Variants in TAOK1 observed in about 807,000 individuals in gnomAD.
TAOK1 encodes TAO kinase 1, also known as serine/threonine-protein kinase TAO1.
A neutral mutation model predicts 138.3 loss-of-function variants in TAOK1; 21 were observed. The observed-to-expected ratio is 0.15, with a 90% confidence interval of 0.11 to 0.22. TAOK1 has a LOEUF of 0.22. Among genes scored for constraint, TAOK1 ranks in the 10% least tolerant of loss-of-function variants. TAOK1 has a pLI of 1.00. For missense variants in TAOK1, 651 were observed against 1,227.7 expected, an observed-to-expected ratio of 0.53 and a Z score of 7.02; for synonymous variants, 361 against 398.4, an observed-to-expected ratio of 0.91 and a Z score of 1.12.
At chr17:29,412,308 G>A (rs557179106) in intron 1 of TAOK1, among the ~76,000 whole-genome samples, 1 of 152,308 alleles carries the variant, frequency 6.6e-6, no homozygotes, top group African/African-American at 2.4e-5. Context: ...CTGCCAAAGT[G>A]GTGGGATTAC....
intron 1 of TAOK1, among the ~76,000 whole-genome samples, chr17:29,440,930 A>G (rs75769390): frequency 0.037 from 5,638 of 152,272 alleles, 367 homozygotes; most frequent in African/African-American, 0.13. Flanking sequence ...CGTTTTCCAT[A>G]TTTATTGAGA....
chr17:29,535,870 A>G (rs890780856), intron 19 of TAOK1, among the ~76,000 whole-genome samples: 2 of 152,026 alleles, frequency 1.3e-5, no homozygotes, highest in African/African-American at 4.8e-5. Context: ...AACAAAAAAA[A>G]TCTTTAAAAA....
At chr17:29,407,814 C>G (rs1477672005) in intron 1 of TAOK1, among the ~76,000 whole-genome samples, 8 of 152,140 alleles carry the variant, frequency 5.3e-5, no homozygotes, top group African/African-American at 1.9e-4. Context: ...TCTTCTTAAT[C>G]TTTTGCAAAA....
In TAOK1 at chr17:29,542,624, C is replaced by T; in HGVS notation, c.2608C>T (p.Arg870Cys). 3 of 1,614,186 alleles carry T rather than the reference C, an allele frequency of 1.9e-6. No individual in the cohort carries two copies. The highest frequency in any genetic ancestry group is 2.5e-6 in the Non-Finnish European group (3 of 1,180,032). Reference sequence around the variant, plus strand: ...AGAACGAATACGAAGCCTGTTGGAACGTCAAGCCAGAGAGATTGAAGCTTT... The same window carrying T: ...AGAACGAATACGAAGCCTGTTGGAATGTCAAGCCAGAGAGATTGAAGCTTT... ...RTERIRSLLE[R>C]QAREIEAFDS... The change falls in exon 20 of 20, where the codon CGT (arginine) becomes TGT (cysteine). Residue 870 changes from arginine (R) to cysteine (C), a missense_variant. Coordinates refer to ENST00000261716, the MANE Select transcript of TAOK1 (RefSeq NM_020791.4).
At chr17:29,483,536 T>G (rs774776282) in intron 8 of TAOK1, among the ~76,000 whole-genome samples, 7 of 152,214 alleles carry the variant, frequency 4.6e-5, no homozygotes, top group South Asian at 2.1e-4. Context: ...TCTTGCTTAT[T>G]ATTACACAGT....
intron 16 of TAOK1, among the ~76,000 whole-genome samples, chr17:29,518,760 T>TTATTTATC (rs1567742305): frequency 5.9e-5 from 8 of 134,546 alleles, no homozygotes; most frequent in African/African-American, 1.6e-4. Flanking sequence ...CTTTATCTAT[T>TTATTTATC]TATTTATTTA....
chr17:29,449,451 G>A (rs2030178023), intron 1 of TAOK1, among the ~76,000 whole-genome samples: 1 of 152,168 alleles, frequency 6.6e-6, no homozygotes, highest in Non-Finnish European at 1.5e-5. Context: ...ACATATAAAT[G>A]TATTTTATAT....
At chr17:29,420,585 GT>G (rs71360703) in intron 1 of TAOK1, among the ~76,000 whole-genome samples, 35 of 123,496 alleles carry the variant, frequency 2.8e-4, no homozygotes, top group Middle Eastern at 4.2e-3. Context: ...TACTTAATCT[GT>G]TTTTTTTTTT....
intron 2 of TAOK1, among the ~76,000 whole-genome samples, chr17:29,466,833 C>G (rs979021355): frequency 1.3e-5 from 2 of 152,098 alleles, no homozygotes; most frequent in Non-Finnish European, 2.9e-5. Flanking sequence ...TTAGCATAGA[C>G]TTTTATACAC....
At chr17:29,391,134 A>T in intron 1 of TAOK1, 110 bp downstream of exon 1, 1 of 151,944 alleles carries the variant, frequency 6.6e-6, no homozygotes, top group Non-Finnish European at 1.5e-5. Flanking sequence ...TGGGGGAGGG[A>T]GAAAAGGAGG....
chr17:29,434,380 GA>G (rs767726854), intron 1 of TAOK1, among the ~76,000 whole-genome samples: 24 of 152,176 alleles, frequency 1.6e-4, no homozygotes, highest in Non-Finnish European at 3.1e-4. Flanking sequence ...GGATGCATTT[GA>G]AAGGGGTACA....
chr17:29,421,406 A>T (rs1379007894), intron 1 of TAOK1, among the ~76,000 whole-genome samples: 1 of 152,108 alleles, frequency 6.6e-6, no homozygotes, highest in East Asian at 1.9e-4. Flanking sequence ...TTTCTTGTTG[A>T]TATCTGGTTT....
At chr17:29,413,101 C>A (rs377621627) in intron 1 of TAOK1, among the ~76,000 whole-genome samples, 5 of 152,208 alleles carry the variant, frequency 3.3e-5, no homozygotes, top group East Asian at 3.9e-4. Context: ...AATTAAGACA[C>A]AAGAGGAATG....
chr17:29,467,897 C>G (rs907417540), intron 3 of TAOK1, among the ~76,000 whole-genome samples: 3 of 151,292 alleles, frequency 2.0e-5, no homozygotes, highest in Non-Finnish European at 4.4e-5. Context: ...AATCTTGGCT[C>G]ACTGCAACCT....
intron 1 of TAOK1, among the ~76,000 whole-genome samples, chr17:29,395,824 A>ATTTTTTTT (rs1187461666): frequency 1.1e-4 from 8 of 72,100 alleles, no homozygotes; most frequent in African/African-American, 1.9e-4. Context: ...CGTCTGGCTA[A>ATTTTTTTT]TTTTTTTTTT....
intron 16 of TAOK1, 28 bp downstream of exon 16, chr17:29,517,684 A>T (rs1044088234): frequency 2.6e-6 from 4 of 1,567,554 alleles, no homozygotes; most frequent in Non-Finnish European, 2.6e-6. Context: ...GAAATTTTAA[A>T]TCCTTTATCA....
chr17:29,537,654 G>C (rs2032245785), intron 19 of TAOK1, among the ~76,000 whole-genome samples: 1 of 151,858 alleles, frequency 6.6e-6, no homozygotes, highest in Non-Finnish European at 1.5e-5. Context: ...ACTGCGCCTG[G>C]AGTTGTATAT....
intron 17 of TAOK1, among the ~76,000 whole-genome samples, chr17:29,525,686 C>T (rs568818728): frequency 2.6e-5 from 4 of 152,336 alleles, no homozygotes; most frequent in Admixed American, 2.0e-4. Context: ...TGAGCCACCG[C>T]GCCCAGCCCA....
intron 10 of TAOK1, among the ~76,000 whole-genome samples, chr17:29,494,782 C>T (rs552364480): frequency 3.7e-4 from 54 of 145,640 alleles, no homozygotes; most frequent in Non-Finnish European, 4.9e-4. Flanking sequence ...GCCGCAATCG[C>T]GCCACTGCAC....
Sources: gnomAD v4.1 joint callset for allele counts (sites outside exome capture counted in the v4.1 genomes callset) on GRCh38, gnomAD v4.1.1 for gene constraint, MANE v1.5 for transcripts, NCBI Gene and HGNC (gene_info 2026-07-23, HGNC 2026-07-21) for gene names.